Variants in ALK observed in about 807,000 individuals in gnomAD.
ALK encodes ALK tyrosine kinase receptor.
ALK carries 74 observed loss-of-function variants against 163.1 expected under a neutral mutation model. The observed-to-expected ratio is 0.45, with a 90% CI of 0.38 to 0.55. The LOEUF (loss-of-function observed/expected upper bound fraction) is 0.55. Among genes scored for constraint, ALK ranks in the 20% least tolerant of loss-of-function variants. The pLI is 0.00. For synonymous variants in ALK, 960 were observed against 843.2 expected, an observed-to-expected ratio of 1.14 and a Z score of -2.40; for missense variants, 2,063 against 2,105.3, an observed-to-expected ratio of 0.98 and a Z score of 0.39.
At chr2:29,650,566 C>G (rs1677010023) in intron 3 of ALK, among the ~76,000 whole-genome samples, 1 of 152,044 alleles carries the variant, frequency 6.6e-6, no homozygotes, top group African/African-American at 2.4e-5. Flanking sequence ...TTAACACTGC[C>G]TTTAGTTTCT....
At chr2:29,771,682 C>G (rs898734490) in intron 1 of ALK, among the ~76,000 whole-genome samples, 1 of 152,062 alleles carries the variant, frequency 6.6e-6, no homozygotes, top group Non-Finnish European at 1.5e-5. Flanking sequence ...CTACAGGCGC[C>G]TGCCACCATG....
chr2:29,804,242 C>T (rs1572392920), intron 1 of ALK, among the ~76,000 whole-genome samples: 1 of 152,248 alleles, frequency 6.6e-6, no homozygotes, highest in Non-Finnish European at 1.5e-5. Flanking sequence ...AAAGTGGCTG[C>T]CTGTTGCCAC....
intron 26 of ALK, among the ~76,000 whole-genome samples, chr2:29,203,931 A>C (rs1669250366): frequency 6.6e-6 from 1 of 151,632 alleles, no homozygotes; most frequent in Non-Finnish European, 1.5e-5. Context: ...TGGGACTCCT[A>C]TTTTGTCAGC....
chr2:29,838,442 T>G lies in ALK; in HGVS notation c.667+81551A>C, dbSNP rs551620778. On this transcript the variant is annotated intron_variant, in intron 1 of 28. Transcript: ENST00000389048. ...ACATCATAATCAAATTGTTAAAAAC[T>G]AATGATAGAAAGATAAAAGATTTGT... 1.4e-4 allele frequency among the ~76,000 whole-genome samples: 22 copies of G among 152,222 alleles called. No homozygotes were observed. In the East Asian group the frequency reaches 4.2e-3, roughly 29 times the overall value.
At chr2:29,898,390 A>T (rs984961153) in intron 1 of ALK, among the ~76,000 whole-genome samples, 1 of 152,228 alleles carries the variant, frequency 6.6e-6, no homozygotes, top group Non-Finnish European at 1.5e-5. Flanking sequence ...GTGATTGGTG[A>T]TTAAGAATTA....
chr2:29,299,256 T>G (rs1666296644), intron 8 of ALK, among the ~76,000 whole-genome samples: 1 of 152,244 alleles, frequency 6.6e-6, no homozygotes, highest in East Asian at 1.9e-4. Flanking sequence ...TTCTATCACA[T>G]TCTCCTGTTG....
At chr2:29,233,401 C>T (rs973161690) in intron 14 of ALK, among the ~76,000 whole-genome samples, 164 bp downstream of exon 14, 7 of 152,276 alleles carry the variant, frequency 4.6e-5, no homozygotes, top group East Asian at 1.9e-4. Flanking sequence ...CTGCCTTGGC[C>T]TCCCAAAATA....
At chr2:29,374,087 A>T (rs1054666408) in intron 5 of ALK, among the ~76,000 whole-genome samples, 1 of 152,164 alleles carries the variant, frequency 6.6e-6, no homozygotes, top group Non-Finnish European at 1.5e-5. Context: ...GCAGATGTGA[A>T]CCTGTAAACA....
chr2:29,591,042 A>G (rs1005027289), intron 3 of ALK, among the ~76,000 whole-genome samples: 4 of 129,760 alleles, frequency 3.1e-5, no homozygotes, highest in Admixed American at 9.1e-5. Context: ...CCGCACTCCA[A>G]CCTGGGAGAC....
At chr2:29,237,090 T>C (rs992222864) in intron 13 of ALK, among the ~76,000 whole-genome samples, 2 of 152,350 alleles carry the variant, frequency 1.3e-5, no homozygotes, top group Admixed American at 1.3e-4. Flanking sequence ...TTGACTCTTT[T>C]CTTTCTCTTA....
At chr2:29,562,531 G>A (rs1325318077) in intron 3 of ALK, among the ~76,000 whole-genome samples, 2 of 152,084 alleles carry the variant, frequency 1.3e-5, no homozygotes, top group Admixed American at 1.3e-4. Flanking sequence ...AGTACAGCAG[G>A]ACAATTACAT....
Position 29,228,917 on chromosome 2 carries a change from A to ACCCCCCCCCC in ALK, c.2781_2782insGGGGGGGGGG (p.Cys928GlyfsTer23). On this transcript the variant is annotated frameshift_variant, in exon 16 of 29. Transcript: ENST00000389048. LOFTEE classifies it high-confidence loss of function. Reference sequence around the variant, plus strand: ...CCTCCGCCTCCTCCACCTGAGGAGCACCCCCCTCCACCCCCTCCGAAACCC... The same window carrying ACCCCCCCCCC: ...CCTCCGCCTCCTCCACCTGAGGAGCACCCCCCCCCCCCCCCCTCCACCCCCTCCGAAACCC... The ACCCCCCCCCC allele has an allele frequency of 7.3e-7, 1 of 1,374,998 alleles. No homozygotes were observed. The highest frequency in any genetic ancestry group is 1.0e-6 in the Non-Finnish European group (1 of 975,734). The allele number at this position is 1,374,998 out of a possible 1,614,324, so 85.2% of individuals were successfully genotyped here.
intron 7 of ALK, among the ~76,000 whole-genome samples, chr2:29,318,850 G>A (rs1485827531): frequency 2.6e-5 from 4 of 152,182 alleles, no homozygotes; most frequent in Non-Finnish European, 5.9e-5. Context: ...ACAGGCATGA[G>A]CCACTGCGCC....
intron 1 of ALK, among the ~76,000 whole-genome samples, chr2:29,869,068 A>G (rs1426818590): frequency 6.6e-6 from 1 of 152,168 alleles, no homozygotes; most frequent in Admixed American, 6.5e-5. Flanking sequence ...CCAGCCATTA[A>G]GTCACCCCCA....
chr2:29,914,684 A>C (rs1667786348), intron 1 of ALK, among the ~76,000 whole-genome samples: 1 of 152,220 alleles, frequency 6.6e-6, no homozygotes, highest in Non-Finnish European at 1.5e-5. Flanking sequence ...GCTGGGCCTC[A>C]ATGATTTCAA....
At chr2:29,305,953 A>G (rs1230924557) in intron 8 of ALK, among the ~76,000 whole-genome samples, 2 of 152,186 alleles carry the variant, frequency 1.3e-5, no homozygotes, top group East Asian at 3.9e-4. Flanking sequence ...CTGATCTGAC[A>G]GGAGGCAGAG....
chr2:29,825,675 T>C (rs559713468), intron 1 of ALK, among the ~76,000 whole-genome samples: 25 of 151,846 alleles, frequency 1.6e-4, no homozygotes, highest in Non-Finnish European at 1.2e-4. Flanking sequence ...ATGATTGTGA[T>C]AGAATTAAGT....
At position 29,591,062 on chromosome 2, in the gene ALK, C is replaced by T. The variant is rs1218120028; in HGVS notation, c.953-58946G>A. Among the ~76,000 whole-genome samples, 3 of 103,642 alleles carry T rather than the reference C, an allele frequency of 2.9e-5. No homozygotes were observed. The Admixed American group carries it at 4.2e-4, about 15-fold the overall frequency. The allele number at this position is 103,642 out of a possible 152,430, so 68.0% of individuals were successfully genotyped here. A position where few individuals can be genotyped will look rare whatever the true frequency, so the allele number is the denominator to read the frequency against. ...CTCCAACCTGGGAGACACAGCGAGACTCCGTCTCAAAAAAAAAAAAAAAAA... is the reference window on the plus strand; with the variant it reads ...CTCCAACCTGGGAGACACAGCGAGATTCCGTCTCAAAAAAAAAAAAAAAAA... On this transcript the variant is annotated intron_variant, in intron 3 of 28. Transcript: ENST00000389048.
intron 4 of ALK, among the ~76,000 whole-genome samples, chr2:29,418,999 T>G (rs1213534915): frequency 6.6e-6 from 1 of 151,528 alleles, no homozygotes; most frequent in African/African-American, 2.4e-5. Context: ...TAGTCTGTGC[T>G]CTCAATAATC....
Sources: allele counts gnomAD v4.1 joint callset (sites outside exome capture counted in the v4.1 genomes callset), GRCh38; gene constraint gnomAD v4.1.1; transcripts MANE v1.5; gene names NCBI Gene and HGNC (gene_info 2026-07-23, HGNC 2026-07-21).